Variants in HMOX2 observed in about 807,000 individuals in gnomAD.
HMOX2 encodes the protein heme oxygenase (decycling) 2.
A neutral mutation model predicts 33.7 loss-of-function variants in HMOX2; 30 were observed. That is an observed-to-expected ratio of 0.89 (90% CI 0.67 to 1.21). The LOEUF (loss-of-function observed/expected upper bound fraction) is 1.21. HMOX2 is among the 50% of genes most tolerant of loss of function. The probability of loss-of-function intolerance (pLI) is 0.00; values close to 1 mark genes in which losing one functional copy is unlikely to be tolerated. For missense variants in HMOX2, 403 were observed against 399.1 expected (o/e 1.01, Z -0.08); for synonymous variants, 155 against 155.0 (o/e 1.00, Z 0.00).
At chr16:4,501,001 G>C (rs900870998) in intron 1 of HMOX2, among the ~76,000 whole-genome samples, 2 of 152,160 alleles carry the variant, frequency 1.3e-5, no homozygotes, top group African/African-American at 4.8e-5. Context: ...ATGGGAAAGA[G>C]AGAGGGTAGA....
intron 1 of HMOX2, among the ~76,000 whole-genome samples, chr16:4,477,779 G>A (rs1375763945): frequency 6.6e-6 from 1 of 152,144 alleles, no homozygotes; most frequent in African/African-American, 2.4e-5. Context: ...AAGTTAAACG[G>A]GCGGGGTGGC....
At chr16:4,488,731 A>G (rs987158490) in intron 1 of HMOX2, 4 of 152,778 alleles carry the variant, frequency 2.6e-5, no homozygotes, top group Non-Finnish European at 5.9e-5. Flanking sequence ...TCACAGATGT[A>G]GACATCAAGG....
chr16:4,493,418 A>G (rs569301167), intron 1 of HMOX2, among the ~76,000 whole-genome samples: 2 of 152,320 alleles, frequency 1.3e-5, no homozygotes, highest in South Asian at 4.1e-4. Context: ...ATGATGTCAC[A>G]GTTTTATAAC....
At chr16:4,480,631 T>C (rs1253603610) in intron 1 of HMOX2, among the ~76,000 whole-genome samples, 1 of 148,126 alleles carries the variant, frequency 6.8e-6, no homozygotes, top group East Asian at 2.0e-4. Flanking sequence ...GGAGCGACCG[T>C]GCCCGGCTAA....
intron 1 of HMOX2, among the ~76,000 whole-genome samples, chr16:4,490,935 T>C (rs1393617336): frequency 1.3e-5 from 2 of 152,182 alleles, no homozygotes; most frequent in South Asian, 2.1e-4. Context: ...TGTGTGTGCG[T>C]GCGTGCAAGC....
At chr16:4,487,379 A>G (rs892404991) in intron 1 of HMOX2, among the ~76,000 whole-genome samples, 1 of 152,056 alleles carries the variant, frequency 6.6e-6, no homozygotes, top group African/African-American at 2.4e-5. Flanking sequence ...TAAAACTACA[A>G]AATTAGCCAG....
At chr16:4,488,028 C>T (rs1460744227) in intron 1 of HMOX2, among the ~76,000 whole-genome samples, 2 of 145,622 alleles carry the variant, frequency 1.4e-5, no homozygotes, top group Admixed American at 1.4e-4. Flanking sequence ...GAGGCTGAGG[C>T]AGGAGAATCA....
At chr16:4,500,447 T>C (rs1422090300) in intron 1 of HMOX2, among the ~76,000 whole-genome samples, 1 of 152,116 alleles carries the variant, frequency 6.6e-6, no homozygotes, top group Admixed American at 6.6e-5. Context: ...AGTGTCACTA[T>C]TTCATTGAGT....
Position 4,508,044 on chromosome 16 carries a change from G to C in HMOX2, c.536G>C (p.Ser179Thr). 6.2e-7 allele frequency: 1 copy of C among 1,614,130 alleles called. No homozygotes were observed. The highest frequency in any genetic ancestry group is 8.5e-7 in the Non-Finnish European group (1 of 1,180,018). The change falls in exon 4 of 6, where the codon AGC becomes ACC. Residue 179 changes from serine (S) to threonine (T), a missense_variant. Transcript: ENST00000570646. ...KVAQRALKLP[S>T]TGEGTQFYLF... ...GCCCAGCGAGCACTGAAACTCCCCA[G>C]CACAGGGGAAGGGACCCAGTTCTAC...
chr16:4,505,467 T>C lies in HMOX2; in HGVS notation c.-41-17T>C, dbSNP rs1256128329. 3 of 1,349,928 alleles carry C rather than the reference T, an allele frequency of 2.2e-6. No homozygotes were observed. The highest frequency in any genetic ancestry group is 3.1e-6 in the Non-Finnish European group (3 of 970,726). The allele number at this position is 1,349,928 out of a possible 1,614,324, so 83.6% of individuals were successfully genotyped here. A position where few individuals can be genotyped will look rare whatever the true frequency, so the allele number is the denominator to read the frequency against. ...CTGCCGTGGGTGCCACATCACCAGC[T>C]CCTTGTGTCTCTGCAGGACCAGAGG... is the stretch of plus-strand genomic sequence containing the variant. On this transcript the variant is annotated splice_polypyrimidine_tract_variant and intron_variant, in intron 1 of 5. Coordinates refer to ENST00000570646, the MANE Select transcript of HMOX2 (RefSeq NM_002134.4).
intron 1 of HMOX2, among the ~76,000 whole-genome samples, chr16:4,488,344 C>G (rs1331745664): frequency 6.6e-6 from 1 of 152,096 alleles, no homozygotes; most frequent in African/African-American, 2.4e-5. Flanking sequence ...TTGACCAGTT[C>G]TGGGAACTCT....
chr16:4,504,162 C>G (rs932949733), intron 1 of HMOX2, among the ~76,000 whole-genome samples: 1 of 152,142 alleles, frequency 6.6e-6, no homozygotes, highest in African/African-American at 2.4e-5. Flanking sequence ...CTAGCAAAGT[C>G]CTGAGTAGGC....
intron 1 of HMOX2, among the ~76,000 whole-genome samples, chr16:4,487,823 T>C (rs1174573735): frequency 1.3e-5 from 2 of 149,072 alleles, no homozygotes; most frequent in East Asian, 4.0e-4. Flanking sequence ...CGGTGGCATA[T>C]GCCTGTAATC....
chr16:4,484,286 A>C (rs767914453), intron 1 of HMOX2, among the ~76,000 whole-genome samples: 38 of 151,910 alleles, frequency 2.5e-4, no homozygotes, highest in Non-Finnish European at 4.3e-4. Flanking sequence ...ATATGCCCAA[A>C]TTTTAAAGGA....
intron 1 of HMOX2, among the ~76,000 whole-genome samples, chr16:4,497,149 C>T (rs1173361684): frequency 1.3e-5 from 2 of 152,100 alleles, no homozygotes; most frequent in East Asian, 3.8e-4. Context: ...ATTCACAGTC[C>T]TTGTTTATGA....
upstream of HMOX2, chr16:4,474,851 T>C (rs1010630962): frequency 2.6e-5 from 4 of 152,264 alleles, no homozygotes; most frequent in African/African-American, 9.6e-5. Flanking sequence ...TTTTCAGGTA[T>C]TGGGCGTCAG....
intron 1 of HMOX2, among the ~76,000 whole-genome samples, chr16:4,490,806 GTAT>G (rs1445524835): frequency 6.6e-6 from 1 of 152,184 alleles, no homozygotes; most frequent in Non-Finnish European, 1.5e-5. Context: ...GATGAGAGGG[GTAT>G]TAGACTCATG....
intron 1 of HMOX2, among the ~76,000 whole-genome samples, chr16:4,490,171 A>G (rs975001724): frequency 1.3e-5 from 2 of 152,230 alleles, no homozygotes; most frequent in East Asian, 3.8e-4. Flanking sequence ...TCTGAATATA[A>G]TATCAGGCCT....
chr16:4,508,074 T>C lies in HMOX2; in HGVS notation c.566T>C (p.Phe189Ser). Reference sequence around the variant, plus strand: ...GGGGAAGGGACCCAGTTCTACCTGTTTGAGAATGTGGACAATGCCCAGCAG... The same window carrying C: ...GGGGAAGGGACCCAGTTCTACCTGTCTGAGAATGTGGACAATGCCCAGCAG... Reference protein sequence around the residue: ...STGEGTQFYLFENVDNAQQFK... With the variant: ...STGEGTQFYLSENVDNAQQFK... Residue 189 changes from phenylalanine to serine, a missense_variant, in exon 4 of 6, where the codon TTT (phenylalanine) becomes TCT (serine). Phe to Ser is a radical substitution (Grantham distance 155, BLOSUM62 -2). Transcript: ENST00000570646. 2 of 1,613,760 alleles carry C rather than the reference T, an allele frequency of 1.2e-6. No individual in the cohort carries two copies. The highest frequency in any genetic ancestry group is 2.2e-5 in the South Asian group (2 of 91,052).
Sources: allele counts gnomAD v4.1 joint callset (sites outside exome capture counted in the v4.1 genomes callset), GRCh38; gene constraint gnomAD v4.1.1; transcripts MANE v1.5; gene names NCBI Gene and HGNC (gene_info 2026-07-23, HGNC 2026-07-21).